The following MEI4 variants were observed in gnomAD, a reference collection of about 807,000 sequenced individuals.
MEI4 encodes meiosis-specific protein MEI4.
In MEI4, 27 loss-of-function variants were observed where a neutral mutation model predicts 31.4. That is an observed-to-expected ratio of 0.86 (90% CI 0.63 to 1.19). The LOEUF (loss-of-function observed/expected upper bound fraction) is 1.19, where lower values mean the gene tolerates loss of function less well. MEI4 is among the 50% of genes most tolerant of loss of function. The pLI, the probability that MEI4 is intolerant of heterozygous loss-of-function variation, is 0.00. For synonymous variants in MEI4, 122 were observed against 145.4 expected (o/e 0.84, Z 1.16); for missense variants, 329 against 398.9 (o/e 0.82, Z 1.49).
chr6:77,817,836 C>T (rs776072432), intron 3 of MEI4, among the ~76,000 whole-genome samples: 25 of 152,114 alleles, frequency 1.6e-4, no homozygotes, highest in East Asian at 5.8e-4. Context: ...CAACATGAGG[C>T]GAGAGATTTC....
chr6:77,826,371 G>A (rs1769951587), intron 3 of MEI4, among the ~76,000 whole-genome samples: 1 of 152,134 alleles, frequency 6.6e-6, no homozygotes. Context: ...TCTAATTAGA[G>A]TAGGCTACAG....
chr6:77,913,735 T>A (rs77609885), intron 4 of MEI4, among the ~76,000 whole-genome samples: 2 of 151,566 alleles, frequency 1.3e-5, no homozygotes, highest in Non-Finnish European at 2.9e-5. Flanking sequence ...TTTTTTTTTT[T>A]AGAAAAACTT....
At chr6:77,896,216 A>C (rs1472791662) in intron 4 of MEI4, among the ~76,000 whole-genome samples, 1 of 152,118 alleles carries the variant, frequency 6.6e-6, no homozygotes, top group Non-Finnish European at 1.5e-5. Flanking sequence ...TCTTTGTGAA[A>C]AGATCAAGAA....
In MEI4 at chr6:77,692,453, A is replaced by G. The variant is rs773339128; in HGVS notation, c.232+1550A>G. 5.9e-5 allele frequency among the ~76,000 whole-genome samples: 9 copies of G among 152,168 alleles called. No individual in the cohort carries two copies. The East Asian group carries it at 7.7e-4, about 13-fold the overall frequency. On this transcript the variant is annotated intron_variant, in intron 2 of 4. Transcript: ENST00000684080. ...AAGGTGATCAGCAAATACCTGTTCA[A>G]TGAAAGAGGAACATAGAGGATGTTT...
At chr6:77,861,117 C>T (rs1770854352) in intron 4 of MEI4, among the ~76,000 whole-genome samples, 2 of 152,154 alleles carry the variant, frequency 1.3e-5, no homozygotes, top group African/African-American at 4.8e-5. Context: ...CAATAATGGT[C>T]ACTTCATTGT....
intron 3 of MEI4, among the ~76,000 whole-genome samples, chr6:77,771,237 G>A (rs569256039): frequency 1.3e-5 from 2 of 152,122 alleles, no homozygotes; most frequent in South Asian, 4.2e-4. Flanking sequence ...ACCACAATGA[G>A]ATACCATCTC....
At chr6:77,841,698 T>G (rs1770369959) in intron 4 of MEI4, among the ~76,000 whole-genome samples, 1 of 151,982 alleles carries the variant, frequency 6.6e-6, no homozygotes, top group African/African-American at 2.4e-5. Context: ...TAACAAAAAA[T>G]AATTAAAGTG....
At chr6:77,911,678 GATATAT>G (rs886492609) in intron 4 of MEI4, among the ~76,000 whole-genome samples, 1 of 148,982 alleles carries the variant, frequency 6.7e-6, no homozygotes, top group Non-Finnish European at 1.5e-5. Context: ...AGTATTCCAT[GATATAT>G]ATAATGCATA....
At chr6:77,744,758 A>G (rs1318791870) in intron 2 of MEI4, among the ~76,000 whole-genome samples, 2 of 152,218 alleles carry the variant, frequency 1.3e-5, no homozygotes, top group Admixed American at 6.5e-5. Context: ...CCATCAGACT[A>G]ACAGTCGATC....
At chr6:77,825,257 A>C (rs1185587974) in intron 3 of MEI4, among the ~76,000 whole-genome samples, 1 of 152,178 alleles carries the variant, frequency 6.6e-6, no homozygotes, top group Non-Finnish European at 1.5e-5. Flanking sequence ...TTTGACATCT[A>C]TTCAAATGTC....
chr6:77,916,766 C>CT (rs56828507), intron 4 of MEI4, among the ~76,000 whole-genome samples: 98 of 149,210 alleles, frequency 6.6e-4, no homozygotes, highest in Middle Eastern at 3.5e-3. Context: ...ACCTCTAATT[C>CT]TTTTTTTTTT....
chr6:77,872,052 A>T (rs1466177502), intron 4 of MEI4, among the ~76,000 whole-genome samples: 2 of 152,198 alleles, frequency 1.3e-5, no homozygotes, highest in Admixed American at 6.6e-5. Flanking sequence ...TGATCTTAAC[A>T]TTAAATTATA....
At chr6:77,838,683 C>G (rs1261496214) in intron 4 of MEI4, among the ~76,000 whole-genome samples, 1 of 152,048 alleles carries the variant, frequency 6.6e-6, no homozygotes, top group Non-Finnish European at 1.5e-5. Context: ...GAGTGGATCA[C>G]CTGAGGTCAG....
At chr6:77,754,639 C>T (rs1217368273) in intron 2 of MEI4, among the ~76,000 whole-genome samples, 3 of 152,140 alleles carry the variant, frequency 2.0e-5, no homozygotes, top group African/African-American at 4.8e-5. Flanking sequence ...TGTATTAGTT[C>T]ATTTTCACTC....
rs1768461925 is a variant in MEI4, at chr6:77,659,512, G to C, written c.-15+6420G>C. Among the ~76,000 whole-genome samples, 3 of 152,128 alleles carry C rather than the reference G, an allele frequency of 2.0e-5. 1 individual carries two copies. Among genetic ancestry groups the C allele is most frequent in the Admixed American group, 2.0e-4 (3 of 15,258 alleles). ...GGACTGATGGGGTAACTGCGTAGAGGGGGAGGTTCGATTTTCATGGTGTAT... is the reference window on the plus strand; with the variant it reads ...GGACTGATGGGGTAACTGCGTAGAGCGGGAGGTTCGATTTTCATGGTGTAT... On this transcript the variant is annotated intron_variant, in intron 1 of 4. Transcript: ENST00000684080.
upstream of MEI4, among the ~76,000 whole-genome samples, chr6:77,652,990 G>A (rs1237075249): frequency 1.3e-5 from 2 of 152,160 alleles, no homozygotes; most frequent in African/African-American, 4.8e-5. Flanking sequence ...TGTTTAAGCT[G>A]GTTCCTAAGA....
chr6:77,794,158 AC>A (rs1335548515), intron 3 of MEI4, among the ~76,000 whole-genome samples: 1 of 152,236 alleles, frequency 6.6e-6, no homozygotes, highest in African/African-American at 2.4e-5. Flanking sequence ...GGCTATACTT[AC>A]ATCAGACAAA....
At chr6:77,856,280 T>A (rs1273186043) in intron 4 of MEI4, among the ~76,000 whole-genome samples, 1 of 152,172 alleles carries the variant, frequency 6.6e-6, no homozygotes, top group African/African-American at 2.4e-5. Flanking sequence ...TAGTTGACAC[T>A]GCTGCTCTAC....
In MEI4 at chr6:77,734,224, C is replaced by T. The variant is rs9767784; in HGVS notation, c.233-26906C>T. ...CATGATCTGTCTAATGTTGACAGTG[C>T]GGTGTTAACATCTCCCATTATTAAT... is the stretch of plus-strand genomic sequence containing the variant. On this transcript the variant is annotated intron_variant, in intron 2 of 4. Transcript: ENST00000684080. Among the ~76,000 whole-genome samples, 66 of 151,814 alleles carry T rather than the reference C, an allele frequency of 4.3e-4. 1 individual carries two copies. The highest frequency in any genetic ancestry group is 6.9e-4 in the Non-Finnish European group (47 of 67,988).
Sources: gnomAD v4.1 joint callset for allele counts (sites outside exome capture counted in the v4.1 genomes callset) on GRCh38, gnomAD v4.1.1 for gene constraint, MANE v1.5 for transcripts, NCBI Gene and HGNC (gene_info 2026-07-23, HGNC 2026-07-21) for gene names.